The following GHR variants were observed in gnomAD, a reference collection of about 807,000 sequenced individuals.
The protein encoded by GHR is growth hormone receptor, also known as GH receptor.
A neutral mutation model predicts 67.1 loss-of-function variants in GHR; 35 were observed. That is an observed-to-expected ratio of 0.52 (90% CI 0.40 to 0.69). GHR has a LOEUF of 0.69. GHR is among the 30% of genes least tolerant of loss of function. The pLI is 0.00. For synonymous variants in GHR, 272 were observed against 269.1 expected (o/e 1.01, Z -0.10); for missense variants, 792 against 764.6 (o/e 1.04, Z -0.42).
intron 1 of GHR, among the ~76,000 whole-genome samples, chr5:42,556,634 A>G (rs1749323907): frequency 1.3e-5 from 2 of 152,224 alleles, no homozygotes; most frequent in Non-Finnish European, 2.9e-5. Flanking sequence ...GAAGGAATAT[A>G]CTGTTCAAAT....
chr5:42,659,939 G>A (rs62371996), intron 3 of GHR, among the ~76,000 whole-genome samples: 1 of 152,112 alleles, frequency 6.6e-6, no homozygotes, highest in East Asian at 1.9e-4. Flanking sequence ...TTAAAAAACG[G>A]CGCACCAGGA....
chr5:42,711,190 A>T lies in GHR; in HGVS notation c.619-17A>T. The T allele has an allele frequency of 6.2e-7, 1 of 1,605,124 alleles. No homozygotes were observed. The highest frequency in any genetic ancestry group is 8.5e-7 in the Non-Finnish European group (1 of 1,171,992). Reference sequence around the variant, plus strand: ...TTGACTCTTTGGCCAATATGCGTTTATATTTTGTCTTGAAAGATGGACCCT... The same window carrying T: ...TTGACTCTTTGGCCAATATGCGTTTTTATTTTGTCTTGAAAGATGGACCCT... On this transcript the variant is annotated splice_polypyrimidine_tract_variant and intron_variant, in intron 6 of 9. Transcript: ENST00000230882.
At chr5:42,426,459 T>C (rs1241897557) in intron 1 of GHR, among the ~76,000 whole-genome samples, 6 of 152,250 alleles carry the variant, frequency 3.9e-5, no homozygotes, top group African/African-American at 1.4e-4. Flanking sequence ...TCTCAGGTCG[T>C]ACCACTGGCA....
chr5:42,705,390 AT>A (rs1297693263), intron 6 of GHR, among the ~76,000 whole-genome samples: 2 of 151,806 alleles, frequency 1.3e-5, no homozygotes, highest in Non-Finnish European at 2.9e-5. Context: ...GATATTTTTG[AT>A]TTTATTTTTT....
chr5:42,665,982 C>T (rs1311571308), intron 3 of GHR, among the ~76,000 whole-genome samples: 2 of 152,030 alleles, frequency 1.3e-5, no homozygotes, highest in African/African-American at 2.4e-5. Context: ...ATTCAATTAC[C>T]TTCCACCAGC....
chr5:42,608,556 A>C (rs547290119), intron 2 of GHR, among the ~76,000 whole-genome samples: 9 of 152,272 alleles, frequency 5.9e-5, no homozygotes, highest in Non-Finnish European at 1.2e-4. Flanking sequence ...AGTGACATAC[A>C]CACTGGTCAA....
At chr5:42,656,932 C>T (rs751536791) in intron 3 of GHR, among the ~76,000 whole-genome samples, 17 of 152,076 alleles carry the variant, frequency 1.1e-4, no homozygotes, top group Admixed American at 6.6e-5. Context: ...TATCAGTACT[C>T]AAAATGATTC....
chr5:42,453,353 A>G (rs1251386427), intron 1 of GHR, among the ~76,000 whole-genome samples: 2 of 152,162 alleles, frequency 1.3e-5, no homozygotes, highest in Non-Finnish European at 2.9e-5. Context: ...TTCAGGCTTC[A>G]GGACAATTGG....
chr5:42,670,252 C>A (rs1484787553), intron 3 of GHR, among the ~76,000 whole-genome samples: 2 of 152,042 alleles, frequency 1.3e-5, no homozygotes, highest in African/African-American at 4.8e-5. Context: ...AACAAAGATA[C>A]CAAGAACACA....
intron 3 of GHR, among the ~76,000 whole-genome samples, chr5:42,648,675 T>C (rs1023655657): frequency 7.3e-5 from 11 of 151,070 alleles, no homozygotes; most frequent in African/African-American, 2.7e-4. Flanking sequence ...CAATAAGTAA[T>C]AGTACTACTA....
At chr5:42,438,564 G>T (rs1046760627) in intron 1 of GHR, among the ~76,000 whole-genome samples, 2 of 152,138 alleles carry the variant, frequency 1.3e-5, no homozygotes, top group Non-Finnish European at 2.9e-5. Context: ...TTAATCTGGG[G>T]AAAACCAGCT....
chr5:42,462,400 T>C (rs1744524293), intron 1 of GHR, among the ~76,000 whole-genome samples: 1 of 152,210 alleles, frequency 6.6e-6, no homozygotes. Context: ...TTGTTTAAGA[T>C]TCCTTATTTA....
At chr5:42,546,699 A>C (rs1050955780) in intron 1 of GHR, among the ~76,000 whole-genome samples, 2 of 152,206 alleles carry the variant, frequency 1.3e-5, no homozygotes, top group African/African-American at 2.4e-5. Context: ...CCATGATGAT[A>C]ATTATGTTTC....
chr5:42,695,100 G>A lies in GHR; in HGVS notation c.439+11G>A. ...CTGTTGATGAAATAGGTAAATCACA[G>A]GTTTTTGTTTCATTTGACATAGTTT... On this transcript the variant is annotated intron_variant, in intron 5 of 9. Transcript: ENST00000230882. 2 of 1,589,558 alleles carry A rather than the reference G, an allele frequency of 1.3e-6. No individual in the cohort carries two copies. The highest frequency in any genetic ancestry group is 1.7e-6 in the Non-Finnish European group (2 of 1,157,774).
intron 1 of GHR, among the ~76,000 whole-genome samples, chr5:42,560,276 C>T (rs1749531739): frequency 6.6e-6 from 1 of 152,154 alleles, no homozygotes; most frequent in Non-Finnish European, 1.5e-5. Flanking sequence ...TCACTGCAAC[C>T]TCCGCCTCCT....
At chr5:42,522,541 A>G (rs535514490) in intron 1 of GHR, among the ~76,000 whole-genome samples, 2 of 152,312 alleles carry the variant, frequency 1.3e-5, no homozygotes, top group African/African-American at 4.8e-5. Flanking sequence ...TCTTCAAATC[A>G]TAAGCTTTTT....
At chr5:42,451,916 T>A (rs111383143) in intron 1 of GHR, among the ~76,000 whole-genome samples, 1 of 152,226 alleles carries the variant, frequency 6.6e-6, no homozygotes, top group East Asian at 1.9e-4. Flanking sequence ...AATGTTAGTA[T>A]TGACATATAA....
chr5:42,689,306 A>G (rs756799309), intron 4 of GHR, among the ~76,000 whole-genome samples: 6 of 152,216 alleles, frequency 3.9e-5, no homozygotes, highest in Non-Finnish European at 5.9e-5. Context: ...ATTAAATGTC[A>G]GCTAGTAATA....
chr5:42,677,425 C>T (rs189916843), intron 3 of GHR, among the ~76,000 whole-genome samples: 1 of 152,242 alleles, frequency 6.6e-6, no homozygotes, highest in East Asian at 1.9e-4. Flanking sequence ...CATTGTTTCT[C>T]AGGAAAACAT....
Sources: gnomAD v4.1 joint callset for allele counts (sites outside exome capture counted in the v4.1 genomes callset) on GRCh38, gnomAD v4.1.1 for gene constraint, MANE v1.5 for transcripts, NCBI Gene and HGNC (gene_info 2026-07-23, HGNC 2026-07-21) for gene names.